Variants in TTC16 observed in about 807,000 individuals in gnomAD.
TTC16 encodes the protein tetratricopeptide repeat domain 16, also known as tetratricopeptide repeat protein 16.
In TTC16, 66 loss-of-function variants were observed where a neutral mutation model predicts 80.4. The ratio of observed to expected loss-of-function variants is 0.82; its 90% CI spans 0.67 to 1.01. The LOEUF (loss-of-function observed/expected upper bound fraction) is 1.01, where lower values mean the gene tolerates loss of function less well. Among genes scored for constraint, TTC16 ranks in the 50% least tolerant of loss-of-function variants. The pLI is 0.00. For synonymous variants in TTC16, 438 were observed against 451.3 expected (o/e 0.97, Z 0.37); for missense variants, 1,070 against 1,103.2 (o/e 0.97, Z 0.43).
intron 4 of TTC16, among the ~76,000 whole-genome samples, chr9:127,719,876 C>T (rs549865139): frequency 2.8e-4 from 42 of 152,116 alleles, no homozygotes; most frequent in African/African-American, 9.7e-4. Flanking sequence ...GCATCTCTTA[C>T]TGTCTCTTGC....
chr9:127,729,699 G>A (rs1387721522), intron 13 of TTC16, 31 bp downstream of exon 13: 3 of 1,603,188 alleles, frequency 1.9e-6, no homozygotes, highest in Admixed American at 3.3e-5. Context: ...CCAGGCCTCA[G>A]GAAGCTAAGG....
In TTC16 at chr9:127,724,783, C is replaced by T; in HGVS notation, c.1145C>T (p.Ala382Val). ...GDCFFQLGNL[A>V]FAEADYQQAL... ...TGCTTCTTCCAGCTGGGCAACCTGGCCTTTGCCGAGGCGGACTACCAGCAG... is the reference window on the plus strand; with the variant it reads ...TGCTTCTTCCAGCTGGGCAACCTGGTCTTTGCCGAGGCGGACTACCAGCAG... The change falls in exon 9 of 14, where the codon GCC becomes GTC. Residue 382 changes from alanine to valine, a missense_variant. By Grantham distance (64) the Ala-to-Val change is moderately conservative (BLOSUM62 0). Transcript: ENST00000373289. 6.2e-7 allele frequency: 1 copy of T among 1,610,686 alleles called. No individual in the cohort carries two copies. The highest frequency in any genetic ancestry group is 8.5e-7 in the Non-Finnish European group (1 of 1,179,348).
In TTC16 at chr9:127,717,126, T is replaced by C. The variant is rs569674129; in HGVS notation, c.191+110T>C. 30 of 1,419,342 alleles carry C rather than the reference T, an allele frequency of 2.1e-5. 1 individual carries two copies. The South Asian group carries it at 3.3e-4, about 15-fold the overall frequency. 87.9% of individuals were successfully genotyped at this position (1,419,342 alleles called of 1,614,324 possible). On this transcript the variant is annotated intron_variant, in intron 2 of 13. Coordinates refer to ENST00000373289, the MANE Select transcript of TTC16 (RefSeq NM_144965.3). ...CTTCAGGCCTCAGTGAACTCAACTGTCTAATGGGGCTCTTCCACCTCAGTG... is the reference window on the plus strand; with the variant it reads ...CTTCAGGCCTCAGTGAACTCAACTGCCTAATGGGGCTCTTCCACCTCAGTG...
At chr9:127,717,156 C>T (rs575332766) in intron 2 of TTC16, 140 bp downstream of exon 2, 67 of 1,288,376 alleles carry the variant, frequency 5.2e-5, no homozygotes, top group Admixed American at 2.4e-4. Flanking sequence ...TCAGTGGGAA[C>T]GAGGCTGATG....
chr9:127,727,203 T>G, intron 11 of TTC16, 67 bp from the exon 12 acceptor site: 1 of 1,526,018 alleles, frequency 6.6e-7, no homozygotes. Context: ...GGGGCCGTTG[T>G]CTAGTCCTTG....
rs201598058 is a variant in TTC16 at position 127,730,765 on chromosome 9, A to G, written c.1982A>G (p.Asn661Ser). The G allele has an allele frequency of 5.6e-6, 9 of 1,613,750 alleles. No individual in the cohort carries two copies. Among genetic ancestry groups the G allele is most frequent in the East Asian group, 4.5e-5 (2 of 44,896 alleles). ...LKTQSSDSGNNREALSHGPRK... is the reference protein window; with the variant it reads ...LKTQSSDSGNSREALSHGPRK... ...ACGCAATCCTCGGACTCTGGGAACA[A>G]CAGGGAGGCACTAAGCCATGGTCCC... The change falls in exon 14 of 14, where the codon AAC becomes AGC. Residue 661 changes from asparagine (N) to serine (S), a missense_variant. Transcript: ENST00000373289.
chr9:127,724,444 GC>G, intron 8 of TTC16, 80 bp downstream of exon 8: 1 of 1,537,746 alleles, frequency 6.5e-7, no homozygotes, highest in Non-Finnish European at 8.8e-7. Flanking sequence ...GGCACTTGAG[GC>G]CCCTGGGGGG....
rs956538297 is a variant in TTC16, at chr9:127,722,893, G to A, written c.658-226G>A. Among the ~76,000 whole-genome samples, 9 of 151,864 alleles carry A rather than the reference G, an allele frequency of 5.9e-5. No homozygotes were observed. Among genetic ancestry groups the A allele is most frequent in the Admixed American group, 2.6e-4 (4 of 15,256 alleles). On this transcript the variant is annotated intron_variant, in intron 6 of 13. Transcript: ENST00000373289. This position sits in a 1 kb window ranked among gnomAD's most constrained non-coding sequence, Gnocchi z 4.2. ...TGAGGTGGAAGAATCGCTTGAACCC[G>A]GGAGGCAGAGGTTGCAGTGAGCCAA...
chr9:127,724,191 T>C lies in TTC16; in HGVS notation c.944T>C (p.Val315Ala). 6.2e-7 allele frequency: 1 copy of C among 1,613,230 alleles called. No individual in the cohort carries two copies. Among genetic ancestry groups the C allele is most frequent in the Non-Finnish European group, 8.5e-7 (1 of 1,180,002 alleles). Reference sequence around the variant, plus strand: ...GACTTCCTGAAGGTGCTGGACATGGTGACCGAGGACCAGGAGGACATGGTG... The same window carrying C: ...GACTTCCTGAAGGTGCTGGACATGGCGACCGAGGACCAGGAGGACATGGTG... ...VEDFLKVLDM[V>A]TEDQEDMVRQ... Residue 315 changes from valine to alanine, a missense_variant, in exon 8 of 14, where the codon GTG becomes GCG. By Grantham distance (64) the Val-to-Ala change is moderately conservative (BLOSUM62 0). Coordinates refer to ENST00000373289, the MANE Select transcript of TTC16 (RefSeq NM_144965.3).
Position 127,727,436 on chromosome 9 carries a change from G to A in TTC16, c.1735G>A (p.Glu579Lys). 1.2e-6 allele frequency: 2 copies of A among 1,600,164 alleles called. No individual in the cohort carries two copies. The highest frequency in any genetic ancestry group is 1.7e-6 in the Non-Finnish European group (2 of 1,173,842). Residue 579 changes from glutamate to lysine, a missense_variant, in exon 12 of 14, where the codon GAG becomes AAG. Physicochemically the swap from Glu to Lys is moderately conservative, Grantham distance 56 (BLOSUM62 1). Transcript: ENST00000373289. ...GGGAGAGGCTGAGGCCCCTGAGGAG[G>A]AGGAAGAAAAGGAGAAGGAGAAAAA... Reference protein sequence around the residue: ...SEGEAEAPEEEEEKEKEKKEE... With the variant: ...SEGEAEAPEEKEEKEKEKKEE...
chr9:127,720,814 CTTT>C (rs1303302261), intron 6 of TTC16, among the ~76,000 whole-genome samples: 1 of 129,234 alleles, frequency 7.7e-6, no homozygotes, highest in Non-Finnish European at 1.7e-5. Flanking sequence ...CTCCCTCCTT[CTTT>C]CTTCCCTCCT....
At chr9:127,725,128 G>C (rs1843829878) in intron 9 of TTC16, among the ~76,000 whole-genome samples, 1 of 152,212 alleles carries the variant, frequency 6.6e-6, no homozygotes, top group Non-Finnish European at 1.5e-5. Context: ...TTAAAAATTA[G>C]CTGGGCGTGG....
intron 7 of TTC16, among the ~76,000 whole-genome samples, chr9:127,723,635 A>G (rs1311424333): frequency 2.0e-5 from 3 of 152,230 alleles, no homozygotes; most frequent in South Asian, 4.1e-4. Context: ...GTCTGGTCCC[A>G]GGAACTTACC....
chr9:127,717,689 G>C lies in TTC16; in HGVS notation c.343G>C (p.Ala115Pro). ...CCAGCTCTGTGACTTCTCCTCGGCC[G>C]CCCAGAACCTGCGAAGGGCCTACTC... Reference protein sequence around the residue: ...YLQLCDFSSAAQNLRRAYSLQ... With the variant: ...YLQLCDFSSAPQNLRRAYSLQ... Residue 115 changes from alanine to proline, a missense_variant, in exon 4 of 14, where the codon GCC (alanine) becomes CCC (proline). Transcript: ENST00000373289. The C allele has an allele frequency of 6.2e-7, 1 of 1,613,908 alleles. No homozygotes were observed. The highest frequency in any genetic ancestry group is 8.5e-7 in the Non-Finnish European group (1 of 1,180,006).
At chr9:127,717,299 G>C in intron 2 of TTC16, 35 bp from the exon 3 acceptor site, 1 of 1,596,480 alleles carries the variant, frequency 6.3e-7, no homozygotes, top group Non-Finnish European at 8.5e-7. Flanking sequence ...CCACAGTCAG[G>C]GCCACCCCTC....
chr9:127,723,108 G>A lies in TTC16; in HGVS notation c.658-11G>A. 1.9e-6 allele frequency: 3 copies of A among 1,608,104 alleles called. No homozygotes were observed. Among genetic ancestry groups the A allele is most frequent in the African/African-American group, 2.7e-5 (2 of 75,004 alleles). ...GTCTGTGCCCCTGATGCCACCCATG[G>A]CCTCCTGCAGCCCCACCTCTGCTAC... On this transcript the variant is annotated splice_polypyrimidine_tract_variant and intron_variant, in intron 6 of 13. Coordinates refer to ENST00000373289, the MANE Select transcript of TTC16 (RefSeq NM_144965.3).
intron 4 of TTC16, 38 bp downstream of exon 4, chr9:127,717,810 C>T (rs1843171670): frequency 6.3e-7 from 1 of 1,592,292 alleles, no homozygotes; most frequent in South Asian, 1.1e-5. Flanking sequence ...GGGCACCCAC[C>T]TCACACTTCT....
At chr9:127,723,616 TA>T (rs1420728668) in intron 7 of TTC16, among the ~76,000 whole-genome samples, 1 of 152,190 alleles carries the variant, frequency 6.6e-6, no homozygotes, top group Non-Finnish European at 1.5e-5. Context: ...GGAGGAGACT[TA>T]GGCTTGAGTC....
intron 6 of TTC16, among the ~76,000 whole-genome samples, chr9:127,720,814 CTTTCTT>C (rs1843396940): frequency 7.7e-6 from 1 of 129,132 alleles, no homozygotes. Flanking sequence ...CTCCCTCCTT[CTTTCTT>C]CCCTCCTGCC....
Sources: gnomAD v4.1 joint callset for allele counts (sites outside exome capture counted in the v4.1 genomes callset) on GRCh38, gnomAD v4.1.1 for gene constraint, Gnocchi (gnomAD v3.1) non-coding constraint, MANE v1.5 for transcripts, NCBI Gene and HGNC (gene_info 2026-07-23, HGNC 2026-07-21) for gene names.